The following GPR39 variants were observed in gnomAD, a reference collection of about 807,000 sequenced individuals.
GPR39 encodes G protein-coupled receptor 39, also known as zinc sensing receptor.
GPR39 carries 23 observed loss-of-function variants against 18.4 expected under a neutral mutation model. That is an observed-to-expected ratio of 1.25 (90% CI 0.90 to 1.77). The LOEUF is 1.77. Among genes scored for constraint, GPR39 ranks in the 40% most tolerant of loss-of-function variants. The probability of loss-of-function intolerance (pLI) is 0.00; values close to 1 mark genes in which losing one functional copy is unlikely to be tolerated. For missense variants in GPR39, 647 were observed against 602.4 expected (o/e 1.07, Z -0.78); for synonymous variants, 280 against 257.9 (o/e 1.09, Z -0.82).
At chr2:132,557,827 T>G (rs755850812) in intron 1 of GPR39, among the ~76,000 whole-genome samples, 4 of 152,140 alleles carry the variant, frequency 2.6e-5, no homozygotes, top group African/African-American at 9.7e-5. Context: ...GTAACTTAGG[T>G]TTATCCGCGT....
At chr2:132,485,034 C>G (rs962690386) in intron 1 of GPR39, among the ~76,000 whole-genome samples, 11 of 152,110 alleles carry the variant, frequency 7.2e-5, no homozygotes, top group African/African-American at 2.7e-4. Flanking sequence ...GAGTGGAGAG[C>G]CTGAAAAGAC....
intron 1 of GPR39, among the ~76,000 whole-genome samples, chr2:132,500,196 T>G (rs1258359773): frequency 6.6e-6 from 1 of 152,222 alleles, no homozygotes; most frequent in Non-Finnish European, 1.5e-5. Flanking sequence ...TCTTCCCTGT[T>G]CAGTATAATG....
intron 1 of GPR39, among the ~76,000 whole-genome samples, chr2:132,484,569 C>T (rs958293184): frequency 2.0e-5 from 3 of 152,112 alleles, no homozygotes; most frequent in South Asian, 2.1e-4. Context: ...GAACTATAAT[C>T]GGAGACTCCC....
rs995855111 is a variant in GPR39, at chr2:132,421,371, A to T, written c.856+3473A>T. On this transcript the variant is annotated intron_variant, in intron 1 of 1. Transcript: ENST00000329321. ...TAATTTGTATAATAACTTTCAAGTG[A>T]TTGGGACTCAGCTGCAACTACCTCC... Among the ~76,000 whole-genome samples the T allele has an allele frequency of 3.3e-5, 5 of 152,194 alleles. No individual in the cohort carries two copies. The East Asian group carries it at 7.7e-4, about 24-fold the overall frequency.
At chr2:132,485,842 T>C (rs777063443) in intron 1 of GPR39, among the ~76,000 whole-genome samples, 9 of 152,218 alleles carry the variant, frequency 5.9e-5, no homozygotes, top group Non-Finnish European at 8.8e-5. Flanking sequence ...TTAATGTTGA[T>C]ATTTTGACCT....
chr2:132,637,886 AT>A (rs1229828136), intron 1 of GPR39, among the ~76,000 whole-genome samples: 1 of 152,124 alleles, frequency 6.6e-6, no homozygotes, highest in African/African-American at 2.4e-5. Flanking sequence ...AGCTGACCCA[AT>A]TGCCTTCTCA....
intron 1 of GPR39, among the ~76,000 whole-genome samples, chr2:132,542,863 T>C (rs1366191920): frequency 6.6e-6 from 1 of 152,036 alleles, no homozygotes; most frequent in Non-Finnish European, 1.5e-5. Context: ...CCAGTTAGAG[T>C]TGGTGCTTCC....
chr2:132,491,247 G>T (rs1208399166), intron 1 of GPR39, among the ~76,000 whole-genome samples: 1 of 152,066 alleles, frequency 6.6e-6, no homozygotes, highest in African/African-American at 2.4e-5. Flanking sequence ...ATTCACAAGT[G>T]CCCAGCTTGA....
intron 1 of GPR39, among the ~76,000 whole-genome samples, chr2:132,508,216 G>T (rs899292290): frequency 6.6e-6 from 1 of 152,106 alleles, no homozygotes; most frequent in Non-Finnish European, 1.5e-5. Flanking sequence ...AATTCCAAGG[G>T]TTTAAAGGCT....
chr2:132,433,211 C>T (rs1047528483), intron 1 of GPR39, among the ~76,000 whole-genome samples: 2 of 152,118 alleles, frequency 1.3e-5, no homozygotes, highest in Non-Finnish European at 2.9e-5. Flanking sequence ...AACTTACATA[C>T]ACACAAATAC....
At chr2:132,601,146 C>A (rs1046620691) in intron 1 of GPR39, among the ~76,000 whole-genome samples, 8 of 152,086 alleles carry the variant, frequency 5.3e-5, no homozygotes, top group Non-Finnish European at 1.0e-4. Flanking sequence ...TACCCTGATA[C>A]CAAACCAGAC....
At chr2:132,559,065 T>C (rs1680202699) in intron 1 of GPR39, among the ~76,000 whole-genome samples, 2 of 152,240 alleles carry the variant, frequency 1.3e-5, no homozygotes, top group African/African-American at 4.8e-5. Flanking sequence ...TATTTAACTC[T>C]CCTTGCTATA....
chr2:132,622,068 G>C (rs1466943564), intron 1 of GPR39, among the ~76,000 whole-genome samples: 2 of 152,148 alleles, frequency 1.3e-5, no homozygotes, highest in Non-Finnish European at 2.9e-5. Context: ...GCTGGGGAGA[G>C]ACCTTTGAGA....
chr2:132,568,630 C>T (rs985796044), intron 1 of GPR39, among the ~76,000 whole-genome samples: 11 of 151,982 alleles, frequency 7.2e-5, no homozygotes, highest in African/African-American at 2.2e-4. Context: ...GGCTGGAACC[C>T]GGGAGGCAGA....
At chr2:132,497,871 CT>C (rs960326310) in intron 1 of GPR39, among the ~76,000 whole-genome samples, 2 of 152,082 alleles carry the variant, frequency 1.3e-5, no homozygotes, top group African/African-American at 4.8e-5. Flanking sequence ...GCTCAGCAGT[CT>C]CCAGAGAATA....
At chr2:132,564,454 T>C (rs1375570353) in intron 1 of GPR39, among the ~76,000 whole-genome samples, 1 of 152,206 alleles carries the variant, frequency 6.6e-6, no homozygotes, top group Admixed American at 6.5e-5. Context: ...TTTCATCTTA[T>C]GTTCAAAATA....
chr2:132,544,047 C>CA (rs1285158440), intron 1 of GPR39, among the ~76,000 whole-genome samples: 1 of 152,216 alleles, frequency 6.6e-6, no homozygotes. Context: ...AGCCAGAGTT[C>CA]AGTCGTCAGT....
chr2:132,599,715 C>A (rs115048594), intron 1 of GPR39, among the ~76,000 whole-genome samples: 1 of 151,982 alleles, frequency 6.6e-6, no homozygotes, highest in Non-Finnish European at 1.5e-5. Flanking sequence ...GTAGTGAGGG[C>A]GCTGGTGAAT....
At chr2:132,472,763 G>A (rs975713867) in intron 1 of GPR39, among the ~76,000 whole-genome samples, 4 of 152,054 alleles carry the variant, frequency 2.6e-5, no homozygotes, top group Admixed American at 2.0e-4. Flanking sequence ...GTGACTACAC[G>A]CACTTGGCCT....
Sources: gnomAD v4.1 joint callset for allele counts (sites outside exome capture counted in the v4.1 genomes callset) on GRCh38, gnomAD v4.1.1 for gene constraint, MANE v1.5 for transcripts, NCBI Gene and HGNC (gene_info 2026-07-23, HGNC 2026-07-21) for gene names.